LTN1: variants seen among roughly 807,000 people sequenced by gnomAD.
The protein encoded by LTN1 is E3 ubiquitin-protein ligase listerin.
A neutral mutation model predicts 201.2 loss-of-function variants in LTN1; 88 were observed. That is an observed-to-expected ratio of 0.44 (90% CI 0.37 to 0.52). LTN1 has a LOEUF of 0.52. Among genes scored for constraint, LTN1 ranks in the 20% least tolerant of loss-of-function variants. The pLI is 0.00. For synonymous variants in LTN1, 645 were observed against 713.5 expected (o/e 0.90, Z 1.53); for missense variants, 1,752 against 2,038.7 (o/e 0.86, Z 2.71).
At position 28,956,961 on chromosome 21, in the gene LTN1, T is replaced by C. The variant is rs377321034; in HGVS notation, c.2893-13A>G. ...GTCTATGTAACCACTGTGAAAAGAA[T>C]ACGTTATATACAAAATTATTTATTA... On this transcript the variant is annotated splice_polypyrimidine_tract_variant and intron_variant, in intron 15 of 29. Transcript: ENST00000361371. 1.4e-6 allele frequency: 2 copies of C among 1,473,272 alleles called. No homozygotes were observed. The highest frequency in any genetic ancestry group is 2.6e-5 in the South Asian group (2 of 76,076). 91.3% of individuals were successfully genotyped at this position (1,473,272 alleles called of 1,614,324 possible).
chr21:28,980,216 A>G (rs2084647532), intron 6 of LTN1, among the ~76,000 whole-genome samples: 2 of 151,952 alleles, frequency 1.3e-5, no homozygotes. Flanking sequence ...AGTGCTGTCT[A>G]TTGTATCTAG....
chr21:28,935,348 A>G lies in LTN1; in HGVS notation c.4655-19T>C. On this transcript the variant is annotated intron_variant, in intron 26 of 29. Coordinates refer to ENST00000361371, the MANE Select transcript of LTN1 (RefSeq NM_015565.3). ...GTTGTTTCTGAGGAAAAAACAAATT[A>G]TTGATTAGTAACATATATTTCTTAT... is the stretch of plus-strand genomic sequence containing the variant. 1 of 1,405,010 alleles carries G rather than the reference A, an allele frequency of 7.1e-7. No homozygotes were observed. Among genetic ancestry groups the G allele is most frequent in the Non-Finnish European group, 1.0e-6 (1 of 999,474 alleles). The allele number at this position is 1,405,010 out of a possible 1,614,324, so 87.0% of individuals were successfully genotyped here. A position where few individuals can be genotyped will look rare whatever the true frequency, so the allele number is the denominator to read the frequency against.
intron 10 of LTN1, 59 bp downstream of exon 10, chr21:28,966,311 C>T (rs2084521849): frequency 1.5e-6 from 2 of 1,347,596 alleles, no homozygotes; most frequent in East Asian, 4.6e-5. Context: ...AAACAATAAG[C>T]AGGCTCATTC....
At chr21:28,971,481 G>C (rs2084574600) in intron 6 of LTN1, 37 bp from the exon 7 acceptor site, 4 of 1,583,364 alleles carry the variant, frequency 2.5e-6, no homozygotes, top group Non-Finnish European at 3.5e-6. Flanking sequence ...TTAAAACCTA[G>C]TAAAACTTGA....
At chr21:28,985,647 C>G (rs2245517) in intron 3 of LTN1, among the ~76,000 whole-genome samples, 3 of 150,650 alleles carry the variant, frequency 2.0e-5, no homozygotes, top group Non-Finnish European at 4.4e-5. Flanking sequence ...CATAACCCAA[C>G]ACAATCCAAT....
intron 25 of LTN1, among the ~76,000 whole-genome samples, chr21:28,940,608 A>T (rs2084289780): frequency 6.6e-6 from 1 of 152,192 alleles, no homozygotes; most frequent in South Asian, 2.1e-4. Flanking sequence ...ATTCTTTTGA[A>T]ATCATTACTA....
Position 28,929,287 on chromosome 21 carries a change from A to G in LTN1, c.*1161T>C, listed in dbSNP as rs2084192685. On this transcript the variant is annotated 3_prime_UTR_variant, in exon 30 of 30. Transcript: ENST00000361371. The stretch of plus-strand genomic sequence containing the variant: ...TGGTCTCTCAAGTAACCTAGATATT[A>G]GATATGCTATTTCCATGTAATGGAA... The G allele has an allele frequency of 6.6e-6, 1 of 152,628 alleles. No individual in the cohort carries two copies. The highest frequency in any genetic ancestry group is 2.4e-5 in the African/African-American group (1 of 41,460). The allele number at this position is 152,628 out of a possible 1,614,324, so 9.5% of individuals were successfully genotyped here.
chr21:28,968,350 G>A (rs1340910746), intron 9 of LTN1, among the ~76,000 whole-genome samples: 1 of 152,088 alleles, frequency 6.6e-6, no homozygotes, highest in East Asian at 1.9e-4. Flanking sequence ...AGGACCCACA[G>A]AGTGCGGAAT....
intron 18 of LTN1, among the ~76,000 whole-genome samples, chr21:28,948,421 C>A (rs2084358321): frequency 6.6e-6 from 1 of 151,188 alleles, no homozygotes; most frequent in East Asian, 2.0e-4. Flanking sequence ...AGGCATGCAC[C>A]ACCATGTCTG....
chr21:28,970,318 A>C (rs961686878), intron 8 of LTN1, among the ~76,000 whole-genome samples: 14 of 152,354 alleles, frequency 9.2e-5, no homozygotes, highest in South Asian at 8.3e-4. Context: ...AAAATAGCCT[A>C]GTTGACCTAT....
intron 1 of LTN1, among the ~76,000 whole-genome samples, chr21:28,991,420 G>C (rs557025322): frequency 3.9e-5 from 6 of 152,164 alleles, no homozygotes; most frequent in Admixed American, 1.3e-4. Context: ...TATTATAATT[G>C]CTGCAGGCTA....
chr21:28,958,605 T>C lies in LTN1; in HGVS notation c.2594-66A>G, dbSNP rs535981878. 5.9e-5 allele frequency: 70 copies of C among 1,178,872 alleles called. No individual in the cohort carries two copies. In the South Asian group the frequency reaches 9.3e-4, roughly 16 times the overall value. The allele number at this position is 1,178,872 out of a possible 1,614,324, so 73.0% of individuals were successfully genotyped here. A position where few individuals can be genotyped will look rare whatever the true frequency, so the allele number is the denominator to read the frequency against. On this transcript the variant is annotated intron_variant, in intron 13 of 29. Transcript: ENST00000361371. Reference sequence around the variant, plus strand: ...ATTAACTCTCATCAGCACAAAATGTTTGAAACAACTCTACAGATCTGAGAT... The same window carrying C: ...ATTAACTCTCATCAGCACAAAATGTCTGAAACAACTCTACAGATCTGAGAT...
rs190263799 is a variant in LTN1, at chr21:28,945,924, T to C, written c.3651A>G (p.Val1217=). ...SCNLSEASPE[V]LGVNIEIIRF... ...GGATTATTTCTATATTTACACCCAG[T>C]ACCTCTGGACTTGCTTCTGATAGAT... The change falls in exon 21 of 30, where the codon GTA becomes GTG. Residue 1217 remains valine, a synonymous_variant. Coordinates refer to ENST00000361371, the MANE Select transcript of LTN1 (RefSeq NM_015565.3). 1.9e-6 allele frequency: 3 copies of C among 1,612,972 alleles called. No homozygotes were observed. The highest frequency in any genetic ancestry group is 3.3e-5 in the Admixed American group (2 of 59,834).
At chr21:28,963,237 C>T (rs758499732) in intron 11 of LTN1, among the ~76,000 whole-genome samples, 2 of 152,230 alleles carry the variant, frequency 1.3e-5, no homozygotes, top group Non-Finnish European at 2.9e-5. Context: ...ATCTAAGACT[C>T]TCATAGCTAG....
In LTN1 at chr21:28,964,727, A is replaced by G. The variant is rs1390666835; in HGVS notation, c.2163+1138T>C. 11 of 1,550,330 alleles carry G rather than the reference A, an allele frequency of 7.1e-6. No individual in the cohort carries two copies. The East Asian group carries it at 2.7e-4, about 38-fold the overall frequency. ...CTGCTCAGGAAGAGGATTTTCTTCCACACAGATGTGAGTATTTGCACTTCA... is the reference window on the plus strand; with the variant it reads ...CTGCTCAGGAAGAGGATTTTCTTCCGCACAGATGTGAGTATTTGCACTTCA... On this transcript the variant is annotated intron_variant, in intron 11 of 29. Transcript: ENST00000361371.
chr21:28,952,309 C>T (rs1337962047), intron 17 of LTN1, 45 bp from the exon 18 acceptor site: 3 of 1,200,796 alleles, frequency 2.5e-6, no homozygotes, highest in East Asian at 4.7e-5. Flanking sequence ...TGAAAGCATA[C>T]TGAATAAAAT....
At chr21:28,971,164 A>G (rs1385959090) in intron 7 of LTN1, 107 bp downstream of exon 7, 2 of 915,894 alleles carry the variant, frequency 2.2e-6, no homozygotes, top group Admixed American at 5.7e-5. Context: ...GATTTATGCC[A>G]AGTTTAGATT....
In LTN1 at chr21:28,946,144, T is replaced by G. The variant is rs2243552; in HGVS notation, c.3623+8A>C. On this transcript the variant is annotated splice_region_variant and intron_variant, in intron 20 of 29. Coordinates refer to ENST00000361371, the MANE Select transcript of LTN1 (RefSeq NM_015565.3). ...TGAAGGAAAAACATAGTATAAAGTA[T>G]CACCTACCAACTGAAAAGAAAAATA... 373,623 of 1,565,384 alleles carry G rather than the reference T, an allele frequency of 0.24. 53,867 individuals are homozygous for G. Among genetic ancestry groups the G allele is most frequent in the East Asian group, 0.69 (30,674 of 44,326 alleles).
At chr21:28,959,793 TG>T (rs1034448209) in intron 12 of LTN1, 96 bp from the exon 13 acceptor site, 1 of 1,109,246 alleles carries the variant, frequency 9.0e-7, no homozygotes, top group Non-Finnish European at 1.2e-6. Context: ...GGGTCTTTCC[TG>T]GATTTTAAAA....
Sources: gnomAD v4.1 joint callset for allele counts (sites outside exome capture counted in the v4.1 genomes callset) on GRCh38, gnomAD v4.1.1 for gene constraint, MANE v1.5 for transcripts, NCBI Gene and HGNC (gene_info 2026-07-23, HGNC 2026-07-21) for gene names.